SDK2: variants seen among roughly 807,000 people sequenced by gnomAD.
The protein encoded by SDK2 is protein sidekick-2.
A neutral mutation model predicts 253.9 loss-of-function variants in SDK2; 105 were observed. The ratio of observed to expected loss-of-function variants is 0.41; its 90% CI spans 0.35 to 0.49. The LOEUF (loss-of-function observed/expected upper bound fraction) is 0.49. Ranked by LOEUF, SDK2 falls within the 20% of genes least tolerant of loss-of-function variation. The pLI is 0.06. For missense variants in SDK2, 2,608 were observed against 3,003.0 expected (o/e 0.87, Z 3.07); for synonymous variants, 1,249 against 1,234.9 (o/e 1.01, Z -0.24).
intron 1 of SDK2, among the ~76,000 whole-genome samples, chr17:73,558,167 G>A (rs1384711176): frequency 1.3e-5 from 2 of 152,208 alleles, no homozygotes; most frequent in Non-Finnish European, 2.9e-5. Context: ...GCTGTAAAGG[G>A]GCAGCCCCAA....
intron 1 of SDK2, among the ~76,000 whole-genome samples, chr17:73,579,965 C>T (rs1404735947): frequency 3.5e-5 from 5 of 144,160 alleles, no homozygotes; most frequent in East Asian, 4.0e-4. Context: ...GGGACAAGAG[C>T]GAAACCCCGT....
At chr17:73,444,915 C>T (rs531682387) in intron 5 of SDK2, among the ~76,000 whole-genome samples, 9 of 152,308 alleles carry the variant, frequency 5.9e-5, no homozygotes, top group East Asian at 1.9e-4. Flanking sequence ...ATGAGCCACA[C>T]GTGCCTATGA....
intron 15 of SDK2, among the ~76,000 whole-genome samples, chr17:73,420,666 G>C (rs2063221866): frequency 6.6e-6 from 1 of 151,110 alleles, no homozygotes; most frequent in African/African-American, 2.4e-5. Flanking sequence ...GGGTAAGGGT[G>C]ATTTGGCCTT....
intron 36 of SDK2, among the ~76,000 whole-genome samples, chr17:73,374,216 T>C (rs924336996): frequency 1.4e-5 from 2 of 144,658 alleles, no homozygotes; most frequent in Admixed American, 6.9e-5. Context: ...ACCATCTATA[T>C]GCCGAGGACT....
intron 24 of SDK2, among the ~76,000 whole-genome samples, chr17:73,396,080 G>A (rs2062968841): frequency 6.6e-6 from 1 of 152,088 alleles, no homozygotes; most frequent in South Asian, 2.1e-4. Flanking sequence ...TAGAGACGAG[G>A]TTTCGCCATG....
chr17:73,505,522 G>A (rs80094832), intron 2 of SDK2, among the ~76,000 whole-genome samples: 46,297 of 148,952 alleles, frequency 0.31, 7,939 homozygotes, highest in South Asian at 0.43. Context: ...CCTCATCATC[G>A]TCAATAGCTG....
chr17:73,576,628 A>C (rs2045461663), intron 1 of SDK2, among the ~76,000 whole-genome samples: 1 of 152,198 alleles, frequency 6.6e-6, no homozygotes, highest in African/African-American at 2.4e-5. Flanking sequence ...ATGCAACTCA[A>C]TGTACTGCAA....
chr17:73,358,807 C>T (rs1017562625), intron 39 of SDK2, among the ~76,000 whole-genome samples: 51 of 152,156 alleles, frequency 3.4e-4, no homozygotes, highest in African/African-American at 9.4e-4. Flanking sequence ...GGGTTTATGC[C>T]CCAGGAGGCC....
rs1491132060 is a variant in SDK2, at chr17:73,350,222, CAG to C, written c.6038+13_6038+14del. 6 of 1,577,356 alleles carry C rather than the reference CAG, an allele frequency of 3.8e-6. No individual in the cohort carries two copies. Among genetic ancestry groups the C allele is most frequent in the Admixed American group, 1.8e-5 (1 of 54,214 alleles). On this transcript the variant is annotated intron_variant, in intron 43 of 44. Coordinates refer to ENST00000392650, the MANE Select transcript of SDK2 (RefSeq NM_001144952.2). ...TGCTGGGCCTGGCCCCCAACCCACG[CAG>C]AGGGCCCAGTACCTGGTGTACAGGC...
intron 2 of SDK2, among the ~76,000 whole-genome samples, chr17:73,498,985 G>A (rs2063864959): frequency 6.6e-6 from 1 of 152,330 alleles, no homozygotes; most frequent in Admixed American, 6.5e-5. Flanking sequence ...TAGTTAGGAA[G>A]CAGAGATAAT....
At position 73,401,953 on chromosome 17, in the gene SDK2, A is replaced by C; in HGVS notation, c.2673T>G (p.His891Gln). The change falls in exon 19 of 45, where the codon CAT (histidine) becomes CAG (glutamine). Residue 891 changes from histidine (H) to glutamine (Q), a missense_variant. His to Gln is a conservative substitution (Grantham distance 24, BLOSUM62 0). Transcript: ENST00000392650. ...PRSTPQLVRT[H>Q]EDVPGPVGHL... is the part of the protein sequence containing the mutation. ...GGGCTGGGGGGTGCCTACCATCCTC[A>C]TGGGTGCGCACCAGCTGCGGGGTGC... The C allele has an allele frequency of 6.2e-7, 1 of 1,606,450 alleles. No individual in the cohort carries two copies. The highest frequency in any genetic ancestry group is 8.5e-7 in the Non-Finnish European group (1 of 1,176,148).
chr17:73,562,585 C>T (rs891658622), intron 1 of SDK2, among the ~76,000 whole-genome samples: 4 of 151,610 alleles, frequency 2.6e-5, no homozygotes, highest in Middle Eastern at 3.2e-3. Flanking sequence ...AGAAGGCAGG[C>T]GTGGGAGGGG....
intron 1 of SDK2, among the ~76,000 whole-genome samples, chr17:73,602,954 A>T (rs1192133902): frequency 2.0e-5 from 3 of 152,090 alleles, no homozygotes; most frequent in African/African-American, 7.2e-5. Context: ...CAAACTCCTG[A>T]CCTCAAGTGA....
chr17:73,629,670 G>T lies in SDK2; in HGVS notation c.64+14355C>A, dbSNP rs8074953. ...ATCCCTCTGGACTCCCAAATCACCT[G>T]TCCTATAGTACCAACCACAGGCTTG... On this transcript the variant is annotated intron_variant, in intron 1 of 44. Transcript: ENST00000392650. The surrounding 1 kb of genome is among the most constrained non-coding windows in gnomAD (Gnocchi z 5.0). Among the ~76,000 whole-genome samples the T allele has an allele frequency of 7.6e-3, 1,150 of 152,250 alleles. 18 individuals carry two copies. The highest frequency in any genetic ancestry group is 0.026 in the African/African-American group (1,064 of 41,532).
intron 18 of SDK2, among the ~76,000 whole-genome samples, chr17:73,405,309 T>A (rs79888565): frequency 4.7e-5 from 6 of 126,906 alleles, no homozygotes; most frequent in Admixed American, 4.1e-4. Flanking sequence ...ACATGGTGGC[T>A]GGCGCCTGTA....
rs764713693 is a variant in SDK2, at chr17:73,415,811, C to T, written c.2368G>A (p.Val790Ile). 3.9e-6 allele frequency: 6 copies of T among 1,551,518 alleles called. No homozygotes were observed. The highest frequency in any genetic ancestry group is 1.4e-5 in the African/African-American group (1 of 73,034). The change falls in exon 17 of 45, where the codon GTT becomes ATT. Residue 790 changes from valine to isoleucine, a missense_variant and splice_region_variant. Val to Ile is a conservative substitution (Grantham distance 29, BLOSUM62 3). Transcript: ENST00000392650. ...SKVTEWTLQG[V>I]PTVPPGNVHA... ...GTCTGAGACCACAGTCTCTACCTACCTCCCTGCAGCGTCCACTCGGTGACT... is the reference window on the plus strand; with the variant it reads ...GTCTGAGACCACAGTCTCTACCTACTTCCCTGCAGCGTCCACTCGGTGACT...
chr17:73,390,440 T>C lies in SDK2; in HGVS notation c.4039A>G (p.Thr1347Ala). 6.2e-7 allele frequency: 1 copy of C among 1,611,534 alleles called. No homozygotes were observed. The highest frequency in any genetic ancestry group is 8.5e-7 in the Non-Finnish European group (1 of 1,179,058). Residue 1347 changes from threonine (T) to alanine (A), a missense_variant, in exon 29 of 45, where the codon ACC becomes GCC. Coordinates refer to ENST00000392650, the MANE Select transcript of SDK2 (RefSeq NM_001144952.2). Reference protein sequence around the residue: ...THRLNTTTANTATVEVLAPSA... With the variant: ...THRLNTTTANAATVEVLAPSA... ...GGTGCCAGCACCTCCACAGTGGCGG[T>C]GTTGGCCGTGGTGGTGTTGAGCCGG...
At chr17:73,532,233 C>T (rs1424159794) in intron 1 of SDK2, among the ~76,000 whole-genome samples, 1 of 134,144 alleles carries the variant, frequency 7.5e-6, no homozygotes, top group Admixed American at 8.8e-5. Context: ...AACGATCCAG[C>T]ACGGAATGTC....
At chr17:73,412,020 GTATATGTATATATACGTA>G (rs2063134566) in intron 18 of SDK2, among the ~76,000 whole-genome samples, 3 of 49,640 alleles carry the variant, frequency 6.0e-5, no homozygotes, top group African/African-American at 9.9e-5. Flanking sequence ...GTAGATATAC[GTATATGTATATATACGTA>G]TATATATGTA....
Sources: allele counts gnomAD v4.1 joint callset (sites outside exome capture counted in the v4.1 genomes callset), GRCh38; gene constraint gnomAD v4.1.1; non-coding constraint Gnocchi (gnomAD v3.1); transcripts MANE v1.5; gene names NCBI Gene and HGNC (gene_info 2026-07-23, HGNC 2026-07-21).